Variants in TMCC1 observed in about 807,000 individuals in gnomAD.
The protein encoded by TMCC1 is transmembrane and coiled-coil domain family 1.
A neutral mutation model predicts 52.4 loss-of-function variants in TMCC1; 15 were observed. That is an observed-to-expected ratio of 0.29 (90% CI 0.19 to 0.44). The LOEUF is 0.44. Ranked by LOEUF, TMCC1 falls within the 20% of genes least tolerant of loss-of-function variation. The pLI, the probability that TMCC1 is intolerant of heterozygous loss-of-function variation, is 1.00. For synonymous variants in TMCC1, 279 were observed against 301.9 expected, an observed-to-expected ratio of 0.92 and a Z score of 0.79; for missense variants, 503 against 806.0, an observed-to-expected ratio of 0.62 and a Z score of 4.55.
chr3:129,853,635 C>CAA (rs150947206), intron 2 of TMCC1, among the ~76,000 whole-genome samples: 18,117 of 112,526 alleles, frequency 0.16, 1,772 homozygotes, highest in East Asian at 0.58. Context: ...CACCCCACCT[C>CAA]AAAAAAAAAA....
At chr3:129,839,669 G>A (rs2059334498) in intron 2 of TMCC1, among the ~76,000 whole-genome samples, 1 of 152,080 alleles carries the variant, frequency 6.6e-6, no homozygotes, top group Non-Finnish European at 1.5e-5. Context: ...AGGATCGCTT[G>A]AGCCCAAGAG....
At chr3:129,734,929 G>C (rs182244977) in intron 4 of TMCC1, among the ~76,000 whole-genome samples, 1 of 148,106 alleles carries the variant, frequency 6.8e-6, no homozygotes, top group East Asian at 2.0e-4. Flanking sequence ...TTGAGATGGA[G>C]TCTCGCCCTG....
At chr3:129,735,330 C>T (rs909384797) in intron 4 of TMCC1, among the ~76,000 whole-genome samples, 4 of 151,968 alleles carry the variant, frequency 2.6e-5, no homozygotes, top group Non-Finnish European at 2.9e-5. Flanking sequence ...AAACACACTT[C>T]GCCAAAAAAG....
chr3:129,794,172 C>G (rs575431117), intron 4 of TMCC1, among the ~76,000 whole-genome samples: 1 of 152,298 alleles, frequency 6.6e-6, no homozygotes, highest in East Asian at 1.9e-4. Context: ...TTGTGCCTGT[C>G]AGATAAAAGA....
chr3:129,875,331 T>A (rs938410444), intron 2 of TMCC1, among the ~76,000 whole-genome samples: 1 of 145,916 alleles, frequency 6.9e-6, no homozygotes, highest in Non-Finnish European at 1.5e-5. Context: ...CTACTAAAAA[T>A]ACGAAAAAGA....
At chr3:129,823,403 T>C (rs1576991005) in intron 4 of TMCC1, among the ~76,000 whole-genome samples, 1 of 152,306 alleles carries the variant, frequency 6.6e-6, no homozygotes. Context: ...TTGATATATA[T>C]ACAAAGTGAG....
At chr3:129,752,976 G>A (rs1489148692) in intron 4 of TMCC1, among the ~76,000 whole-genome samples, 1 of 152,034 alleles carries the variant, frequency 6.6e-6, no homozygotes, top group Non-Finnish European at 1.5e-5. Flanking sequence ...AGGGGGAGGT[G>A]CCACACACTT....
intron 4 of TMCC1, among the ~76,000 whole-genome samples, chr3:129,734,233 C>G (rs2050759815): frequency 6.6e-6 from 1 of 152,138 alleles, no homozygotes; most frequent in East Asian, 1.9e-4. Flanking sequence ...TACTATACAA[C>G]AAGTAGATCA....
intron 4 of TMCC1, among the ~76,000 whole-genome samples, chr3:129,826,385 T>C (rs1399176912): frequency 6.7e-6 from 1 of 150,374 alleles, no homozygotes. Flanking sequence ...CATGCGCCTG[T>C]AGTACCAGCT....
chr3:129,759,710 CTTTTTTTT>C (rs61519484), intron 4 of TMCC1, among the ~76,000 whole-genome samples: 6 of 37,222 alleles, frequency 1.6e-4, no homozygotes, highest in Non-Finnish European at 2.4e-4. Context: ...GCCAGCCAAA[CTTTTTTTT>C]TTTTTTTTTT....
At chr3:129,699,685 T>G (rs2047675885) in intron 4 of TMCC1, among the ~76,000 whole-genome samples, 1 of 152,198 alleles carries the variant, frequency 6.6e-6, no homozygotes, top group African/African-American at 2.4e-5. Context: ...ACCCCTTTCC[T>G]GGGTAACCAG....
At chr3:129,662,062 T>C (rs776718056) in intron 5 of TMCC1, among the ~76,000 whole-genome samples, 40 of 152,182 alleles carry the variant, frequency 2.6e-4, no homozygotes, top group Non-Finnish European at 5.3e-4. Flanking sequence ...ACATGTTTTA[T>C]AGACTTTCAT....
intron 2 of TMCC1, among the ~76,000 whole-genome samples, chr3:129,843,709 T>C (rs559707165): frequency 3.9e-5 from 6 of 152,156 alleles, no homozygotes; most frequent in African/African-American, 1.2e-4. Flanking sequence ...AATAACTCTA[T>C]TGAAGAAAGT....
chr3:129,770,810 A>C (rs955845346), intron 4 of TMCC1, among the ~76,000 whole-genome samples: 1 of 152,230 alleles, frequency 6.6e-6, no homozygotes, highest in African/African-American at 2.4e-5. Flanking sequence ...GGGATACTGC[A>C]CAAATTTACA....
intron 4 of TMCC1, among the ~76,000 whole-genome samples, chr3:129,727,149 A>C (rs569386255): frequency 6.6e-6 from 1 of 152,128 alleles, no homozygotes; most frequent in Non-Finnish European, 1.5e-5. Context: ...TGAACAAAAA[A>C]CAAAAACTCT....
intron 3 of TMCC1, among the ~76,000 whole-genome samples, chr3:129,829,476 G>A (rs1429710739): frequency 2.0e-5 from 3 of 147,758 alleles, no homozygotes; most frequent in African/African-American, 4.9e-5. Flanking sequence ...AAAAAAAAGG[G>A]AGGGGGGGAT....
At chr3:129,823,847 T>C (rs928496558) in intron 4 of TMCC1, among the ~76,000 whole-genome samples, 4 of 152,186 alleles carry the variant, frequency 2.6e-5, no homozygotes, top group African/African-American at 9.7e-5. Context: ...CCCAAATCTC[T>C]GATGAATAAA....
Position 129,650,278 on chromosome 3 carries a change from C to CAATAAATAAAAA in TMCC1, c.*1202_*1203insTTTTTATTTATT, listed in dbSNP as rs2086244352. ...TCACTGGGTGAACGTTTTCTTGGGG[C>CAATAAATAAAAA]AAAAAAAAAAAAAAAAAATCCCTAT... On this transcript the variant is annotated 3_prime_UTR_variant, in exon 7 of 7. Coordinates refer to ENST00000393238, the MANE Select transcript of TMCC1 (RefSeq NM_001017395.5). 1 of 131,600 alleles carries CAATAAATAAAAA rather than the reference C, an allele frequency of 7.6e-6. No homozygotes were observed. The highest frequency in any genetic ancestry group is 1.6e-5 in the Non-Finnish European group (1 of 61,426). The allele number at this position is 131,600 out of a possible 1,614,324, so 8.2% of individuals were successfully genotyped here. A position where few individuals can be genotyped will look rare whatever the true frequency, so the allele number is the denominator to read the frequency against.
intron 4 of TMCC1, among the ~76,000 whole-genome samples, chr3:129,809,587 T>C (rs1174906269): frequency 6.6e-6 from 1 of 152,054 alleles, no homozygotes; most frequent in Non-Finnish European, 1.5e-5. Flanking sequence ...CAATACAGTA[T>C]TGTGAAGCCA....
Sources: gnomAD v4.1 joint callset for allele counts (sites outside exome capture counted in the v4.1 genomes callset) on GRCh38, gnomAD v4.1.1 for gene constraint, MANE v1.5 for transcripts, NCBI Gene and HGNC (gene_info 2026-07-23, HGNC 2026-07-21) for gene names.